Variants in ABCA2 observed in about 807,000 individuals in gnomAD.
The protein encoded by ABCA2 is ATP-binding cassette sub-family A member 2.
ABCA2 carries 84 observed loss-of-function variants against 262.8 expected under a neutral mutation model. The observed-to-expected ratio is 0.32, with a 90% CI of 0.27 to 0.38. The LOEUF is 0.38. Among genes scored for constraint, ABCA2 ranks in the 10% least tolerant of loss-of-function variants. The pLI, the probability that ABCA2 is intolerant of heterozygous loss-of-function variation, is 1.00. For missense variants in ABCA2, 2,662 were observed against 3,405.9 expected (o/e 0.78, Z 5.44); for synonymous variants, 1,696 against 1,502.9 (o/e 1.13, Z -2.97).
At position 137,021,587 on chromosome 9, in the gene ABCA2, G is replaced by C. The variant is rs532182664; in HGVS notation, c.702C>G (p.Leu234=). ...CCGGCGTGCAGGTGAGCTGCTCCAGGAGGGCAGGAGCCAGCAGCAGCTCCT... is the reference window on the plus strand; with the variant it reads ...CCGGCGTGCAGGTGAGCTGCTCCAGCAGGGCAGGAGCCAGCAGCAGCTCCT... ...RMEELLLAPA[L]LEQLTCTPGS... is the part of the protein sequence containing the mutation. Residue 234 remains leucine, a synonymous_variant, in exon 8 of 49, where the codon CTC becomes CTG. Coordinates refer to ENST00000341511, the MANE Select transcript of ABCA2 (RefSeq NM_001606.5). This position sits in a 1 kb window ranked among gnomAD's most constrained non-coding sequence, Gnocchi z 6.0. 2 of 1,561,610 alleles carry C rather than the reference G, an allele frequency of 1.3e-6. No homozygotes were observed. Among genetic ancestry groups the C allele is most frequent in the African/African-American group, 2.7e-5 (2 of 73,546 alleles).
At chr9:137,028,389 C>A, upstream of ABCA2, 1 of 608,098 alleles carries the variant, frequency 1.6e-6, no homozygotes, top group South Asian at 6.9e-5. The surrounding 1 kb of genome is among the most constrained non-coding windows in gnomAD (Gnocchi z 6.9). Context: ...CCGCCCGCGC[C>A]GCGCCCGGGA....
Position 137,017,143 on chromosome 9 carries a change from C to G in ABCA2, c.2554-19G>C. ...TGAGGGACTGAGAAGGCAGTGGTGTCAGCACGTGGGGTGGCCCGGCACCCC... is the reference window on the plus strand; with the variant it reads ...TGAGGGACTGAGAAGGCAGTGGTGTGAGCACGTGGGGTGGCCCGGCACCCC... On this transcript the variant is annotated intron_variant, in intron 18 of 48. Transcript: ENST00000341511. 6.2e-7 allele frequency: 1 copy of G among 1,611,914 alleles called. No individual in the cohort carries two copies. The highest frequency in any genetic ancestry group is 8.5e-7 in the Non-Finnish European group (1 of 1,179,318).
Position 137,010,728 on chromosome 9 carries a change from A to T in ABCA2, c.6066T>A (p.Pro2022=). The T allele has an allele frequency of 6.2e-7, 1 of 1,612,432 alleles. No homozygotes were observed. The highest frequency in any genetic ancestry group is 8.5e-7 in the Non-Finnish European group (1 of 1,179,804). The change falls in exon 40 of 49, where the codon CCT becomes CCA. Residue 2022 remains proline, a synonymous_variant. Transcript: ENST00000341511. The part of the protein sequence containing the change: ...YNFLRRPQRM[P]VSTKPVEDDV... ...CATCCTCCACAGGCTTGGTAGACAC[A>T]GGCATGCGCCTTGGGGGACAGGGTG...
Position 137,008,721 on chromosome 9 carries a change from G to C in ABCA2, c.7068+10C>G. The C allele has an allele frequency of 1.9e-6, 3 of 1,573,406 alleles. No individual in the cohort carries two copies. The highest frequency in any genetic ancestry group is 2.6e-6 in the Non-Finnish European group (3 of 1,160,446). The stretch of plus-strand genomic sequence containing the variant: ...GCAGGTGTGGTGCGCAGTGCCCTTG[G>C]GGCGCTCACATTGTCCAGTGTGGTC... On this transcript the variant is annotated intron_variant, in intron 47 of 48. Transcript: ENST00000341511.
Position 137,010,641 on chromosome 9 carries a change from G to C in ABCA2, c.6153C>G (p.Val2051=). Residue 2051 remains valine, a synonymous_variant, in exon 40 of 49, where the codon GTC becomes GTG. Transcript: ENST00000341511. ...VLRGDADNDM[V]KIENLTKVYK... ...CCACCTTGGTCAGGTTCTCAATCTT[G>C]ACCATGTCATTGTCGGCGTCTCCCC... 7.2e-7 allele frequency: 1 copy of C among 1,387,604 alleles called. No individual in the cohort carries two copies. Among genetic ancestry groups the C allele is most frequent in the Non-Finnish European group, 9.7e-7 (1 of 1,035,752 alleles). 86.0% of individuals were successfully genotyped at this position (1,387,604 alleles called of 1,614,324 possible).
In ABCA2 at chr9:137,022,745, A is replaced by G. The variant is rs1831516806; in HGVS notation, c.396T>C (p.Ser132=). 1.2e-6 allele frequency: 2 copies of G among 1,605,540 alleles called. No homozygotes were observed. The highest frequency in any genetic ancestry group is 1.7e-6 in the Non-Finnish European group (2 of 1,177,876). The part of the protein sequence containing the change: ...EALRQHLEAL[S]AGPGTSGSHL... Reference sequence around the variant, plus strand: ...GGCTCCCCGAGGTGCCCGGGCCCGCACTGAGGGCCTCCAGATGCTGGCGTA... The same window carrying G: ...GGCTCCCCGAGGTGCCCGGGCCCGCGCTGAGGGCCTCCAGATGCTGGCGTA... The change falls in exon 5 of 49, where the codon AGT becomes AGC. Residue 132 remains serine, a synonymous_variant. Transcript: ENST00000341511.
In ABCA2 at chr9:137,015,737, G is replaced by A. The variant is rs1831235861; in HGVS notation, c.3452C>T (p.Thr1151Met). 1 of 1,612,014 alleles carries A rather than the reference G, an allele frequency of 6.2e-7. No individual in the cohort carries two copies. The highest frequency in any genetic ancestry group is 1.3e-5 in the African/African-American group (1 of 74,934). The change falls in exon 23 of 49, where the codon ACG (threonine) becomes ATG (methionine). Residue 1151 changes from threonine (T) to methionine (M), a missense_variant. Around this residue, in one of 12 missense-constraint regions of ABCA2, gnomAD observed 180 missense variants for 307.3 expected, o/e 0.59. Transcript: ENST00000341511. ...GCGCGCGTAGGGGTCCACGCCCGCCGTGGGCTCGTCCAGGATGATGGCGCG... is the reference window on the plus strand; with the variant it reads ...GCGCGCGTAGGGGTCCACGCCCGCCATGGGCTCGTCCAGGATGATGGCGCG... ...GSRAIILDEP[T>M]AGVDPYARRA...
intron 45 of ABCA2, 56 bp downstream of exon 45, chr9:137,009,314 C>G (rs1830948901): frequency 6.9e-7 from 1 of 1,446,220 alleles, no homozygotes; most frequent in Non-Finnish European, 9.2e-7. Flanking sequence ...GGCCCCGCTG[C>G]CTGGCCGCCC....
rs529280142 is a variant in ABCA2 at position 137,014,095 on chromosome 9, C to T, written c.4241-57G>A. ...TTGCACGCTACCCTCTCCCTACTGG[C>T]TGCCCTCATGCCGCTCCCCCGCAAC... is the stretch of plus-strand genomic sequence containing the variant. On this transcript the variant is annotated intron_variant, in intron 27 of 48. Transcript: ENST00000341511. 8.2e-5 allele frequency: 130 copies of T among 1,593,976 alleles called. 1 individual carries two copies. In the African/African-American group the frequency reaches 1.6e-3, roughly 20 times the overall value.
rs1054540384 is a variant in ABCA2, at chr9:137,020,211, C to G, written c.1425+125G>C. ...CCCACCTGCAGAGCCTGTGTCCCAT[C>G]CGAAGCTGCACCCCGTACCCCTCCC... On this transcript the variant is annotated intron_variant, in intron 10 of 48. Coordinates refer to ENST00000341511, the MANE Select transcript of ABCA2 (RefSeq NM_001606.5). 4 of 1,311,180 alleles carry G rather than the reference C, an allele frequency of 3.1e-6. No individual in the cohort carries two copies. In the East Asian group the frequency reaches 9.7e-5, roughly 32 times the overall value. The allele number at this position is 1,311,180 out of a possible 1,614,324, so 81.2% of individuals were successfully genotyped here. A position where few individuals can be genotyped will look rare whatever the true frequency, so the allele number is the denominator to read the frequency against.
At position 137,014,186 on chromosome 9, in the gene ABCA2, C is replaced by CTGG; in HGVS notation, c.4219_4221dup (p.Pro1407dup). The CTGG allele has an allele frequency of 4.4e-6, 7 of 1,608,628 alleles. No individual in the cohort carries two copies. Among genetic ancestry groups the CTGG allele is most frequent in the Non-Finnish European group, 5.9e-6 (7 of 1,177,970 alleles). On this transcript the variant is annotated inframe_insertion, in exon 27 of 49. Transcript: ENST00000341511. ...CCCCCACCTTGCAGGCTGACATTGT[C>CTGG]TGGGTCCTGTGGGTTATCAAAGAGG...
Position 137,024,063 on chromosome 9 carries a change from G to A in ABCA2, c.160+80C>T, listed in dbSNP as rs1224906094. 4 of 1,524,398 alleles carry A rather than the reference G, an allele frequency of 2.6e-6. No homozygotes were observed. In the Admixed American group the frequency reaches 6.1e-5, roughly 23 times the overall value. 94.4% of individuals were successfully genotyped at this position (1,524,398 alleles called of 1,614,324 possible). A position where few individuals can be genotyped will look rare whatever the true frequency, so the allele number is the denominator to read the frequency against. On this transcript the variant is annotated intron_variant, in intron 2 of 48. Transcript: ENST00000341511. ...GGGACTCCGGGAGCAGGACACCCGT[G>A]TGCAGATGTGCACACACAGCGCAGG...
chr9:137,022,526 G>A (rs1831507836), intron 5 of ABCA2, 48 bp from the exon 6 acceptor site: 4 of 1,598,088 alleles, frequency 2.5e-6, no homozygotes, highest in Non-Finnish European at 3.4e-6. Flanking sequence ...ACCTTGGCAA[G>A]GTGCCCCCAC....
Position 137,015,082 on chromosome 9 carries a change from G to A in ABCA2, c.3713C>T (p.Ser1238Phe). The A allele has an allele frequency of 6.3e-7, 1 of 1,593,054 alleles. No individual in the cohort carries two copies. ...CAGCGGGGCCCGACCTGGGGGGCTG[G>A]ATGCCAGCCCTGGCTCTGTGGGGGA... Reference protein sequence around the residue: ...PGGPQEPGLASSPPGRAPLSS... With the variant: ...PGGPQEPGLAFSPPGRAPLSS... Residue 1238 changes from serine to phenylalanine, a missense_variant, in exon 25 of 49, where the codon TCC becomes TTC. Ser to Phe is a radical substitution (Grantham distance 155, BLOSUM62 -2). This residue lies in a region of ABCA2 where 297 missense variants were observed against 286.5 expected (regional missense o/e 1.04). Transcript: ENST00000341511.
intron 28 of ABCA2, 40 bp downstream of exon 28, chr9:137,013,792 G>A (rs1283506304): frequency 1.3e-6 from 2 of 1,565,940 alleles, no homozygotes; most frequent in Admixed American, 1.9e-5. Flanking sequence ...GGGCGGTGGG[G>A]GGAGGCAAGC....
At position 137,019,347 on chromosome 9, in the gene ABCA2, C is replaced by T. The variant is rs1365203200; in HGVS notation, c.1426-41G>A. 2 of 1,601,392 alleles carry T rather than the reference C, an allele frequency of 1.2e-6. No homozygotes were observed. Among genetic ancestry groups the T allele is most frequent in the Non-Finnish European group, 1.7e-6 (2 of 1,172,246 alleles). ...CAGGGGCATGGAGTTTCTGGACGGA[C>T]CCCCACCGACTTGGGGGCTCTCACC... On this transcript the variant is annotated intron_variant, in intron 10 of 48. Coordinates refer to ENST00000341511, the MANE Select transcript of ABCA2 (RefSeq NM_001606.5). The surrounding 1 kb of genome is among the most constrained non-coding windows in gnomAD (Gnocchi z 4.4).
Position 137,018,233 on chromosome 9 carries a change from A to G in ABCA2, c.1938T>C (p.Pro646=), listed in dbSNP as rs942927821. The stretch of plus-strand genomic sequence containing the variant: ...AGAAGCGGCCGCCAGTATTGGGCCC[A>G]GGCCGCCAGTAGGCGCGGCGGATCT... ...TNEIRRAYWR[P]GPNTGGRFYF... is the part of the protein sequence containing the mutation. The change falls in exon 14 of 49, where the codon CCT becomes CCC. Residue 646 remains proline, a synonymous_variant. Coordinates refer to ENST00000341511, the MANE Select transcript of ABCA2 (RefSeq NM_001606.5). 1 of 1,606,532 alleles carries G rather than the reference A, an allele frequency of 6.2e-7. No homozygotes were observed. The highest frequency in any genetic ancestry group is 8.5e-7 in the Non-Finnish European group (1 of 1,178,826).
In ABCA2 at chr9:137,017,257, T is replaced by C; in HGVS notation, c.2492A>G (p.Tyr831Cys). The change falls in exon 18 of 49, where the codon TAC (tyrosine) becomes TGC (cysteine). Residue 831 changes from tyrosine (Y) to cysteine (C), a missense_variant. Tyr to Cys is a radical substitution (Grantham distance 194). Coordinates refer to ENST00000341511, the MANE Select transcript of ABCA2 (RefSeq NM_001606.5). ...CGCCACCTCCTCTCGGATCGCCACG[T>C]ACATGTAGGGCACGTAGCTCAGGAA... ...IYFLSYVPYMYVAIREEVAHD... is the reference protein window; with the variant it reads ...IYFLSYVPYMCVAIREEVAHD... 6.2e-7 allele frequency: 1 copy of C among 1,612,624 alleles called. No individual in the cohort carries two copies. Among genetic ancestry groups the C allele is most frequent in the Non-Finnish European group, 8.5e-7 (1 of 1,179,910 alleles).
intron 3 of ABCA2, chr9:137,023,472 C>G: frequency 1.4e-6 from 1 of 724,826 alleles, no homozygotes; most frequent in Non-Finnish European, 2.5e-6. Flanking sequence ...AGTGCAAGAG[C>G]CTGAAGGAGT....
Sources: allele counts gnomAD v4.1 joint callset, GRCh38; gene constraint gnomAD v4.1.1; regional missense constraint gnomAD v4.1.1; non-coding constraint Gnocchi (gnomAD v3.1); transcripts MANE v1.5; gene names NCBI Gene and HGNC (gene_info 2026-07-23, HGNC 2026-07-21).